The following FAM13C variants were observed in gnomAD, a reference collection of about 807,000 sequenced individuals.
The protein encoded by FAM13C is family with sequence similarity 13 member C.
A neutral mutation model predicts 73.2 loss-of-function variants in FAM13C; 37 were observed. That is an observed-to-expected ratio of 0.51 (90% CI 0.39 to 0.67). The LOEUF (loss-of-function observed/expected upper bound fraction) is 0.67. FAM13C is among the 30% of genes least tolerant of loss of function. The pLI is 0.00. For missense variants in FAM13C, 589 were observed against 715.6 expected (o/e 0.82, Z 2.02); for synonymous variants, 246 against 260.9 (o/e 0.94, Z 0.55).
intron 8 of FAM13C, among the ~76,000 whole-genome samples, chr10:59,267,879 G>T (rs1424197788): frequency 1.3e-5 from 2 of 152,112 alleles, no homozygotes; most frequent in Non-Finnish European, 2.9e-5. Flanking sequence ...TGTATGCCAT[G>T]GTCACTACTG....
Position 59,246,378 on chromosome 10 carries a change from G to A in FAM13C, c.*1236C>T. 2 of 292,058 alleles carry A rather than the reference G, an allele frequency of 6.8e-6. No homozygotes were observed. The highest frequency in any genetic ancestry group is 1.3e-5 in the Non-Finnish European group (2 of 159,436). 18.1% of individuals were successfully genotyped at this position (292,058 alleles called of 1,614,324 possible). The stretch of plus-strand genomic sequence containing the variant: ...AGTTATAAAATATTAGGTAAATACA[G>A]AGAAAACAATAAGCCTCTGAAATAA... On this transcript the variant is annotated 3_prime_UTR_variant, in exon 14 of 14. Coordinates refer to ENST00000618804, the MANE Select transcript of FAM13C (RefSeq NM_198215.4).
At chr10:59,310,004 T>C (rs536935287) in intron 4 of FAM13C, among the ~76,000 whole-genome samples, 1 of 152,310 alleles carries the variant, frequency 6.6e-6, no homozygotes, top group East Asian at 1.9e-4. Flanking sequence ...CCATAACAAA[T>C]GCATTTCTTC....
At chr10:59,328,650 A>G (rs752593018) in intron 3 of FAM13C, among the ~76,000 whole-genome samples, 5 of 152,150 alleles carry the variant, frequency 3.3e-5, no homozygotes, top group Admixed American at 6.5e-5. Flanking sequence ...CAATCAAAAC[A>G]TCAAATGTTC....
rs1389372599 is a variant in FAM13C, at chr10:59,268,676, T to G, written c.819A>C (p.Ser273=). 26 of 1,612,464 alleles carry G rather than the reference T, an allele frequency of 1.6e-5. No individual in the cohort carries two copies. The highest frequency in any genetic ancestry group is 1.7e-5 in the Non-Finnish European group (20 of 1,179,628). The change falls in exon 8 of 14, where the codon TCA becomes TCC. Residue 273 remains serine, a synonymous_variant. Transcript: ENST00000618804. ...TQQFMMPRSS[S]RCSCGDGKEP... ...CCTTGCCATCTCCACAGCTGCAGCG[T>G]GAAGAACTCCGCGGCCTGCAGTGAT...
At chr10:59,359,833 T>C (rs547602277) in intron 1 of FAM13C, among the ~76,000 whole-genome samples, 3 of 152,364 alleles carry the variant, frequency 2.0e-5, no homozygotes, top group Admixed American at 6.5e-5. Context: ...CCAGTTGATA[T>C]TGATGATCAG....
chr10:59,346,141 GA>G (rs562787311), intron 3 of FAM13C, among the ~76,000 whole-genome samples: 1 of 151,968 alleles, frequency 6.6e-6, no homozygotes, highest in East Asian at 1.9e-4. Context: ...AATACATCAA[GA>G]AAAAAATGCA....
At chr10:59,265,624 AC>A (rs1425316851) in intron 8 of FAM13C, among the ~76,000 whole-genome samples, 4 of 151,896 alleles carry the variant, frequency 2.6e-5, no homozygotes, top group Non-Finnish European at 5.9e-5. Context: ...GTAAAAACAA[AC>A]ACACACACAC....
At chr10:59,339,840 T>TA (rs1367121629) in intron 3 of FAM13C, among the ~76,000 whole-genome samples, 1 of 152,116 alleles carries the variant, frequency 6.6e-6, no homozygotes, top group Non-Finnish European at 1.5e-5. Flanking sequence ...AGCATAGCAT[T>TA]AAAAAAGATG....
chr10:59,247,766 C>A lies in FAM13C; in HGVS notation c.1635-29G>T, dbSNP rs1225006415. 5.0e-6 allele frequency: 8 copies of A among 1,598,198 alleles called. No individual in the cohort carries two copies. The African/African-American group carries it at 1.1e-4, about 21-fold the overall frequency. On this transcript the variant is annotated intron_variant, in intron 13 of 13. Transcript: ENST00000618804. ...CAAAACAAAAATACATTTGTTAGTT[C>A]ACAATGAATCAAGTCATTATTTAAA...
chr10:59,361,427 G>C (rs1856395152), intron 1 of FAM13C, among the ~76,000 whole-genome samples: 1 of 152,070 alleles, frequency 6.6e-6, no homozygotes, highest in South Asian at 2.1e-4. Flanking sequence ...TTAGCAAACA[G>C]CTCCCCAGTT....
chr10:59,356,867 C>A (rs1057112794), intron 1 of FAM13C, among the ~76,000 whole-genome samples: 3 of 152,190 alleles, frequency 2.0e-5, no homozygotes, highest in African/African-American at 7.2e-5. Flanking sequence ...GCTACCAATG[C>A]GGCTAGAATA....
chr10:59,263,185 T>C (rs190796810), intron 9 of FAM13C, among the ~76,000 whole-genome samples: 101 of 152,284 alleles, frequency 6.6e-4, no homozygotes, highest in African/African-American at 2.3e-3. Flanking sequence ...CCAGGAATTA[T>C]TACAAGGTGG....
chr10:59,268,622 C>T lies in FAM13C; in HGVS notation c.873G>A (p.Lys291=). The change falls in exon 8 of 14, where the codon AAG becomes AAA. Residue 291 remains lysine (K), a synonymous_variant. Coordinates refer to ENST00000618804, the MANE Select transcript of FAM13C (RefSeq NM_198215.4). ...KEPQTITQLT[K]HIQSLKRKIR... ...TTTTCCGCTTGAGGCTCTGGATGTG[C>T]TTGGTGAGCTGGGTGATGGTCTGTG... 1 of 1,613,620 alleles carries T rather than the reference C, an allele frequency of 6.2e-7. No homozygotes were observed. The highest frequency in any genetic ancestry group is 1.3e-5 in the African/African-American group (1 of 75,024).
At chr10:59,265,335 G>GGGGGGGAA (rs78422182) in intron 8 of FAM13C, among the ~76,000 whole-genome samples, 3 of 16,050 alleles carry the variant, frequency 1.9e-4, no homozygotes, top group African/African-American at 2.9e-4. Context: ...GGGGGGGGGG[G>GGGGGGGAA]AATCCTGGTT....
intron 10 of FAM13C, among the ~76,000 whole-genome samples, chr10:59,255,174 C>G (rs2133394312): frequency 6.6e-6 from 1 of 152,276 alleles, no homozygotes; most frequent in East Asian, 1.9e-4. Context: ...GTATTATATA[C>G]TAGGTTACTG....
intron 6 of FAM13C, among the ~76,000 whole-genome samples, chr10:59,281,343 A>G (rs547285204): frequency 6.6e-6 from 1 of 152,312 alleles, no homozygotes; most frequent in East Asian, 1.9e-4. Flanking sequence ...GAGTGCATCT[A>G]AGAACCCAGT....
intron 5 of FAM13C, among the ~76,000 whole-genome samples, chr10:59,283,890 G>A (rs1845232706): frequency 6.6e-6 from 1 of 152,048 alleles, no homozygotes; most frequent in African/African-American, 2.4e-5. Flanking sequence ...GTCCCTCCCT[G>A]GCTACCGTTC....
At chr10:59,335,290 G>A (rs1293273704) in intron 3 of FAM13C, among the ~76,000 whole-genome samples, 5 of 152,066 alleles carry the variant, frequency 3.3e-5, no homozygotes, top group Admixed American at 6.5e-5. Context: ...AATATTCTAC[G>A]TAAAGGTAAC....
At chr10:59,324,628 T>C (rs1257280531) in intron 3 of FAM13C, among the ~76,000 whole-genome samples, 2 of 152,150 alleles carry the variant, frequency 1.3e-5, no homozygotes, top group Non-Finnish European at 2.9e-5. Flanking sequence ...ATATATTTTC[T>C]AAGTTTTCTA....
Sources: allele counts gnomAD v4.1 joint callset (sites outside exome capture counted in the v4.1 genomes callset), GRCh38; gene constraint gnomAD v4.1.1; transcripts MANE v1.5; gene names NCBI Gene and HGNC (gene_info 2026-07-23, HGNC 2026-07-21).